Variants in MTHFD1L observed in about 807,000 individuals in gnomAD.
The protein encoded by MTHFD1L is monofunctional C1-tetrahydrofolate synthase, mitochondrial.
Under a neutral mutation model 119.5 loss-of-function variants are expected in MTHFD1L, and 81 were observed. The ratio of observed to expected loss-of-function variants is 0.68; its 90% CI spans 0.57 to 0.82. MTHFD1L has a LOEUF of 0.82. Ranked by LOEUF, MTHFD1L falls within the 40% of genes least tolerant of loss-of-function variation. The pLI is 0.00. For missense variants in MTHFD1L, 1,125 were observed against 1,253.4 expected (o/e 0.90, Z 1.55); for synonymous variants, 430 against 475.2 (o/e 0.90, Z 1.24).
intron 26 of MTHFD1L, among the ~76,000 whole-genome samples, chr6:151,086,826 G>A (rs1793851845): frequency 6.6e-6 from 1 of 152,108 alleles, no homozygotes; most frequent in Non-Finnish European, 1.5e-5. Context: ...CACCATGCCT[G>A]ACCAAAAATA....
intron 26 of MTHFD1L, among the ~76,000 whole-genome samples, chr6:151,053,867 A>C (rs913607984): frequency 5.3e-5 from 8 of 152,100 alleles, no homozygotes; most frequent in Middle Eastern, 3.2e-3. Context: ...CTCAAAAAAA[A>C]AAAAAAAAAT....
Position 151,056,933 on chromosome 6 carries a change from A to G in MTHFD1L, c.2847+19816A>G, listed in dbSNP as rs1248281890. Among the ~76,000 whole-genome samples the G allele has an allele frequency of 2.0e-5, 3 of 152,224 alleles. No individual in the cohort carries two copies. The East Asian group carries it at 5.8e-4, about 29-fold the overall frequency. Reference sequence around the variant, plus strand: ...GTGGAATGAATTTTTTTCAGTCCTGACAATAAATGTTGGGGTTCTTTAGTT... The same window carrying G: ...GTGGAATGAATTTTTTTCAGTCCTGGCAATAAATGTTGGGGTTCTTTAGTT... On this transcript the variant is annotated intron_variant, in intron 26 of 27. Transcript: ENST00000367321.
chr6:151,012,019 CAAAAAAAAAAAAAAAAAAA>C (rs1043831602), intron 21 of MTHFD1L, among the ~76,000 whole-genome samples: 4 of 58,840 alleles, frequency 6.8e-5, no homozygotes, highest in Non-Finnish European at 1.3e-4. Context: ...ACAACAACAA[CAAAAAAAAAAAAAAAAAAA>C]AAAAAAAAAA....
At chr6:150,941,139 G>C (rs1207463841) in intron 13 of MTHFD1L, among the ~76,000 whole-genome samples, 1 of 152,220 alleles carries the variant, frequency 6.6e-6, no homozygotes, top group Non-Finnish European at 1.5e-5. Flanking sequence ...ACTATGACTG[G>C]AAGGATGGGA....
chr6:150,891,386 CATAT>C (rs60950948), intron 7 of MTHFD1L, among the ~76,000 whole-genome samples: 1 of 148,842 alleles, frequency 6.7e-6, no homozygotes, highest in Non-Finnish European at 1.5e-5. Context: ...AGCAACACAA[CATAT>C]ATATATATAT....
intron 16 of MTHFD1L, among the ~76,000 whole-genome samples, chr6:150,954,586 G>A (rs902571562): frequency 2.6e-5 from 4 of 152,080 alleles, no homozygotes; most frequent in African/African-American, 9.7e-5. Flanking sequence ...CTACTTGGGA[G>A]GCTGAGACAG....
At chr6:151,052,283 G>A (rs994071729) in intron 26 of MTHFD1L, among the ~76,000 whole-genome samples, 17 of 152,286 alleles carry the variant, frequency 1.1e-4, no homozygotes, top group African/African-American at 4.1e-4. Flanking sequence ...TACATTGGGA[G>A]TGATATACAG....
intron 8 of MTHFD1L, 96 bp downstream of exon 8, chr6:150,905,857 A>G: frequency 2.0e-6 from 2 of 976,464 alleles, no homozygotes; most frequent in Non-Finnish European, 3.2e-6. Flanking sequence ...CTGAAATGTT[A>G]GCAGTCGTCA....
chr6:150,929,540 T>C (rs573208521), intron 11 of MTHFD1L, among the ~76,000 whole-genome samples: 1 of 152,332 alleles, frequency 6.6e-6, no homozygotes, highest in Admixed American at 6.5e-5. Context: ...AAAGCTGTGA[T>C]GATACTGTTT....
At chr6:150,876,244 A>G in intron 2 of MTHFD1L, 70 bp downstream of exon 2, 1 of 1,225,656 alleles carries the variant, frequency 8.2e-7, no homozygotes, top group Non-Finnish European at 1.1e-6. Flanking sequence ...ATTGTATACA[A>G]AAGAGCAGCT....
At position 150,866,058 on chromosome 6, in the gene MTHFD1L, C is replaced by G; in HGVS notation, c.227+9C>G. On this transcript the variant is annotated intron_variant, in intron 1 of 27. Transcript: ENST00000367321. ...CGGGACTCCATCGTCAGGTGAGTGT[C>G]GGGTCTGGCCCTGGCCCAGGTCTCC... The G allele has an allele frequency of 6.8e-7, 1 of 1,473,270 alleles. No individual in the cohort carries two copies. The highest frequency in any genetic ancestry group is 3.0e-5 in the East Asian group (1 of 33,438). 91.3% of individuals were successfully genotyped at this position (1,473,270 alleles called of 1,614,324 possible).
At chr6:150,934,821 C>T (rs1244947868) in intron 11 of MTHFD1L, 35 of 993,828 alleles carry the variant, frequency 3.5e-5, no homozygotes, top group Non-Finnish European at 4.8e-5. Context: ...GGGTGCTTAT[C>T]CCTCGTAGAA....
rs753248243 is a variant in MTHFD1L, at chr6:150,905,626, G to T, written c.781-24G>T. The stretch of plus-strand genomic sequence containing the variant: ...CTTTATGCCTCAGATCAAGATGTGC[G>T]TGTTTTTTTCTTTCTCCTTTTAGCT... On this transcript the variant is annotated intron_variant, in intron 7 of 27. Transcript: ENST00000367321. 2.6e-6 allele frequency: 4 copies of T among 1,556,802 alleles called. No individual in the cohort carries two copies. In the Admixed American group the frequency reaches 5.0e-5, roughly 19 times the overall value.
intron 26 of MTHFD1L, among the ~76,000 whole-genome samples, chr6:151,043,268 T>TA (rs1787415673): frequency 7.3e-6 from 1 of 137,644 alleles, no homozygotes; most frequent in African/African-American, 2.7e-5. Context: ...CTTTTTTTTT[T>TA]TTTTTTTTTT....
chr6:150,988,664 T>C (rs1421520228), intron 20 of MTHFD1L, among the ~76,000 whole-genome samples: 1 of 152,088 alleles, frequency 6.6e-6, no homozygotes, highest in East Asian at 1.9e-4. Flanking sequence ...TGGAGTGCAA[T>C]GATGTAATCT....
chr6:150,922,644 AC>A (rs1399680084), intron 10 of MTHFD1L, among the ~76,000 whole-genome samples: 2 of 69,124 alleles, frequency 2.9e-5, no homozygotes, highest in African/African-American at 1.5e-4. Context: ...TTCCCCCCCC[AC>A]CCTTTTTTTT....
At chr6:151,021,610 T>C (rs765759588) in intron 24 of MTHFD1L, among the ~76,000 whole-genome samples, 2 of 152,170 alleles carry the variant, frequency 1.3e-5, no homozygotes, top group Non-Finnish European at 2.9e-5. Context: ...TCATGTTCAC[T>C]TGGAAAGAGA....
chr6:151,057,681 T>TCA (rs1260569193), intron 26 of MTHFD1L, among the ~76,000 whole-genome samples: 2 of 152,028 alleles, frequency 1.3e-5, no homozygotes, highest in African/African-American at 4.8e-5. Flanking sequence ...TCAAAAATAC[T>TCA]CACACACACA....
chr6:150,880,005 G>C (rs1781144062), intron 4 of MTHFD1L, among the ~76,000 whole-genome samples: 1 of 152,102 alleles, frequency 6.6e-6, no homozygotes, highest in African/African-American at 2.4e-5. Context: ...GCATGTGTGT[G>C]GGGTACAGTG....
Sources: allele counts gnomAD v4.1 joint callset (sites outside exome capture counted in the v4.1 genomes callset), GRCh38; gene constraint gnomAD v4.1.1; transcripts MANE v1.5; gene names NCBI Gene and HGNC (gene_info 2026-07-23, HGNC 2026-07-21).